SP100: variants seen among roughly 807,000 people sequenced by gnomAD.
SP100 encodes the protein nuclear autoantigen Sp-100.
In SP100, 84 loss-of-function variants were observed where a neutral mutation model predicts 130.0. That is an observed-to-expected ratio of 0.65 (90% CI 0.54 to 0.77). SP100 has a LOEUF of 0.77. Among genes scored for constraint, SP100 ranks in the 30% least tolerant of loss-of-function variants. The probability of loss-of-function intolerance (pLI) is 0.00; values close to 1 mark genes in which losing one functional copy is unlikely to be tolerated. For missense variants in SP100, 978 were observed against 1,052.2 expected (o/e 0.93, Z 0.97); for synonymous variants, 331 against 351.7 (o/e 0.94, Z 0.66).
chr2:230,491,425 C>T (rs1398491553), intron 17 of SP100, among the ~76,000 whole-genome samples: 1 of 152,188 alleles, frequency 6.6e-6, no homozygotes, highest in African/African-American at 2.4e-5. Context: ...CAGGGTCAGG[C>T]CTGAAGAGGC....
At chr2:230,464,360 T>G (rs2064824439) in intron 11 of SP100, among the ~76,000 whole-genome samples, 1 of 152,226 alleles carries the variant, frequency 6.6e-6, no homozygotes, top group Admixed American at 6.5e-5. Context: ...TTAACTGGAT[T>G]GGTTCAATCG....
rs1035476030 is a variant in SP100, at chr2:230,543,081, C to T, written c.*135C>T. ...AAATTTATCATTGCCATTTTAAAAC[C>T]GTCTTTTCAGCTTTCAATAAAATTC... On this transcript the variant is annotated 3_prime_UTR_variant, in exon 29 of 29. Coordinates refer to ENST00000340126, the MANE Select transcript of SP100 (RefSeq NM_001080391.2). 64 of 540,774 alleles carry T rather than the reference C, an allele frequency of 1.2e-4. No individual in the cohort carries two copies. Among genetic ancestry groups the T allele is most frequent in the Middle Eastern group, 1.1e-3 (4 of 3,586 alleles). The allele number at this position is 540,774 out of a possible 1,614,324, so 33.5% of individuals were successfully genotyped here.
chr2:230,499,767 C>T (rs1054738860), intron 19 of SP100, among the ~76,000 whole-genome samples: 1 of 152,108 alleles, frequency 6.6e-6, no homozygotes, highest in Non-Finnish European at 1.5e-5. Flanking sequence ...TTCACCTTTA[C>T]ACTTCTCAGA....
At chr2:230,469,414 C>T in intron 14 of SP100, 1 of 496,098 alleles carries the variant, frequency 2.0e-6, no homozygotes, top group South Asian at 1.5e-5. Context: ...ATGTTGCTTC[C>T]ATGGTTCCCT....
At chr2:230,526,954 G>A (rs902298319) in intron 24 of SP100, among the ~76,000 whole-genome samples, 2 of 152,162 alleles carry the variant, frequency 1.3e-5, no homozygotes, top group Non-Finnish European at 2.9e-5. Context: ...TTTGATTAGT[G>A]TACCTGAAAG....
intron 24 of SP100, chr2:230,516,349 T>G (rs1358681373): frequency 6.5e-6 from 1 of 153,420 alleles, no homozygotes; most frequent in Non-Finnish European, 1.4e-5. Context: ...CAAATTCATG[T>G]AGAGAGAGAA....
At chr2:230,515,968 A>C (rs1355204868) in intron 24 of SP100, 2 of 1,022,550 alleles carry the variant, frequency 2.0e-6, no homozygotes, top group Non-Finnish European at 2.3e-6. Flanking sequence ...TCTCTGATGT[A>C]GCTTATACAA....
intron 19 of SP100, among the ~76,000 whole-genome samples, chr2:230,498,922 A>C (rs541252737): frequency 6.6e-6 from 1 of 152,342 alleles, no homozygotes; most frequent in African/African-American, 2.4e-5. Flanking sequence ...GGTCTGCCCC[A>C]AGTAAATTAC....
chr2:230,460,853 G>GACCTC (rs2064562691), intron 8 of SP100, among the ~76,000 whole-genome samples: 1 of 123,156 alleles, frequency 8.1e-6, no homozygotes, highest in Non-Finnish European at 1.7e-5. Context: ...TCGATCTCCT[G>GACCTC]ACCTCATGAT....
At chr2:230,460,597 T>C (rs1426524243) in intron 8 of SP100, among the ~76,000 whole-genome samples, 1 of 8,338 alleles carries the variant, frequency 1.2e-4, no homozygotes, top group African/African-American at 5.4e-4. Flanking sequence ...TGTTTCTTTT[T>C]TTTTTTTTTT....
intron 20 of SP100, among the ~76,000 whole-genome samples, chr2:230,503,717 A>G (rs2067166668): frequency 6.6e-6 from 1 of 152,190 alleles, no homozygotes; most frequent in Admixed American, 6.5e-5. Flanking sequence ...AGTGAAGCAA[A>G]GCAGTTGGCA....
chr2:230,485,505 A>G (rs559723369), intron 17 of SP100, among the ~76,000 whole-genome samples: 10 of 152,242 alleles, frequency 6.6e-5, no homozygotes, highest in African/African-American at 2.4e-4. Flanking sequence ...TGTTTTCTAC[A>G]CTGATCTCTC....
rs753910534 is a variant in SP100 at position 230,442,933 on chromosome 2, C to A, written c.108-4C>A. ...CATTTTCACATGGTGTCCTTTTTCC[C>A]TAGGATGTTCACGGAAGACCAGGGT... On this transcript the variant is annotated splice_region_variant and splice_polypyrimidine_tract_variant and intron_variant, in intron 2 of 28. Coordinates refer to ENST00000340126, the MANE Select transcript of SP100 (RefSeq NM_001080391.2). 3 of 1,611,538 alleles carry A rather than the reference C, an allele frequency of 1.9e-6. No individual in the cohort carries two copies. In the African/African-American group the frequency reaches 4.0e-5, roughly 22 times the overall value.
chr2:230,468,676 A>G (rs986208404), intron 13 of SP100, among the ~76,000 whole-genome samples: 4 of 151,924 alleles, frequency 2.6e-5, no homozygotes, highest in African/African-American at 9.7e-5. Flanking sequence ...TTAGCTGGGC[A>G]TGGTGGTGGT....
intron 2 of SP100, among the ~76,000 whole-genome samples, chr2:230,428,092 G>T (rs1013595657): frequency 6.6e-6 from 1 of 152,060 alleles, no homozygotes; most frequent in East Asian, 1.9e-4. Flanking sequence ...TTAGCCAGGC[G>T]TGGTGGCATG....
chr2:230,422,519 G>A (rs1348929193), intron 2 of SP100, among the ~76,000 whole-genome samples: 1 of 152,126 alleles, frequency 6.6e-6, no homozygotes, highest in Non-Finnish European at 1.5e-5. Flanking sequence ...AGTGTACACT[G>A]GCTTACTCCT....
intron 23 of SP100, 91 bp downstream of exon 23, chr2:230,508,122 C>A: frequency 6.5e-7 from 1 of 1,546,184 alleles, no homozygotes; most frequent in Non-Finnish European, 8.7e-7. Flanking sequence ...ATTGACCCAT[C>A]ATCATAAAAT....
intron 18 of SP100, among the ~76,000 whole-genome samples, 195 bp from the exon 19 acceptor site, chr2:230,498,266 G>A (rs926512976): frequency 7.2e-5 from 11 of 152,058 alleles, no homozygotes; most frequent in Non-Finnish European, 4.4e-5. Context: ...TTAATGTCAC[G>A]GGAAAGGAAA....
chr2:230,533,066 C>A (rs1272352097), intron 24 of SP100, among the ~76,000 whole-genome samples: 1 of 152,238 alleles, frequency 6.6e-6, no homozygotes, highest in Non-Finnish European at 1.5e-5. Context: ...CAGGCATAAG[C>A]CACCGTGCCC....
Sources: gnomAD v4.1 joint callset for allele counts (sites outside exome capture counted in the v4.1 genomes callset) on GRCh38, gnomAD v4.1.1 for gene constraint, MANE v1.5 for transcripts, NCBI Gene and HGNC (gene_info 2026-07-23, HGNC 2026-07-21) for gene names.